The following MAP2K6 variants were observed in gnomAD, a reference collection of about 807,000 sequenced individuals.
MAP2K6 encodes dual specificity mitogen-activated protein kinase kinase 6.
In MAP2K6, 16 loss-of-function variants were observed where a neutral mutation model predicts 53.7. The observed-to-expected ratio is 0.30, with a 90% confidence interval of 0.20 to 0.45. The LOEUF (loss-of-function observed/expected upper bound fraction) is 0.45. Among genes scored for constraint, MAP2K6 ranks in the 20% least tolerant of loss-of-function variants. The probability of loss-of-function intolerance (pLI) is 1.00; values close to 1 mark genes in which losing one functional copy is unlikely to be tolerated. For synonymous variants in MAP2K6, 132 were observed against 143.1 expected (o/e 0.92, Z 0.55); for missense variants, 204 against 411.9 (o/e 0.50, Z 4.37).
At chr17:69,468,161 G>C (rs532239536) in intron 1 of MAP2K6, among the ~76,000 whole-genome samples, 1 of 152,188 alleles carries the variant, frequency 6.6e-6, no homozygotes, top group African/African-American at 2.4e-5. Flanking sequence ...CTGTGATAGT[G>C]TTCTCAGTTG....
intron 2 of MAP2K6, among the ~76,000 whole-genome samples, chr17:69,515,041 T>C (rs1910068848): frequency 6.6e-6 from 1 of 151,948 alleles, no homozygotes; most frequent in African/African-American, 2.4e-5. Flanking sequence ...GAGACATGAG[T>C]CTTTACCTGT....
At chr17:69,422,656 A>G (rs1382091521) in intron 1 of MAP2K6, among the ~76,000 whole-genome samples, 1 of 152,190 alleles carries the variant, frequency 6.6e-6, no homozygotes, top group Non-Finnish European at 1.5e-5. Context: ...ACCCTAAGCC[A>G]GTTACTTTTC....
At chr17:69,505,975 C>G in intron 2 of MAP2K6, 129 bp downstream of exon 2, 1 of 707,502 alleles carries the variant, frequency 1.4e-6, no homozygotes, top group Non-Finnish European at 2.4e-6. Context: ...GCCATTTGCT[C>G]ACTGTTCTGA....
intron 1 of MAP2K6, among the ~76,000 whole-genome samples, chr17:69,436,271 C>G (rs556061419): frequency 6.6e-6 from 1 of 152,074 alleles, no homozygotes; most frequent in Non-Finnish European, 1.5e-5. Flanking sequence ...TACTTCCTTT[C>G]GCTCACTGCT....
rs138138687 is a variant in MAP2K6, at chr17:69,460,362, C to T, written c.16+45362C>T. Among the ~76,000 whole-genome samples, 8 of 152,266 alleles carry T rather than the reference C, an allele frequency of 5.3e-5. No individual in the cohort carries two copies. The East Asian group carries it at 9.7e-4, about 18-fold the overall frequency. On this transcript the variant is annotated intron_variant, in intron 1 of 11. Coordinates refer to ENST00000590474, the MANE Select transcript of MAP2K6 (RefSeq NM_002758.4). ...CCATTAGGAAGACGGAGGTATTTAA[C>T]GCACTGCAGATACATGAGCAAGACC... is the stretch of plus-strand genomic sequence containing the variant.
chr17:69,520,054 C>G (rs1170874852), intron 5 of MAP2K6: 1 of 516,652 alleles, frequency 1.9e-6, no homozygotes, highest in Non-Finnish European at 3.4e-6. Context: ...AGAGCACATG[C>G]AGGTTCTGCT....
intron 11 of MAP2K6, among the ~76,000 whole-genome samples, chr17:69,537,651 T>C (rs1911422185): frequency 6.6e-6 from 1 of 152,206 alleles, no homozygotes; most frequent in Admixed American, 6.5e-5. Context: ...TGCCTAAGCT[T>C]TGATTGAAGA....
At chr17:69,441,811 G>T (rs996562554) in intron 1 of MAP2K6, among the ~76,000 whole-genome samples, 3 of 152,164 alleles carry the variant, frequency 2.0e-5, no homozygotes, top group Non-Finnish European at 4.4e-5. Flanking sequence ...CCAGGTGGGT[G>T]TAGACATCTA....
Position 69,547,124 on chromosome 17 carries a change from T to C in MAP2K6, c.*5371T>C, listed in dbSNP as rs1415185068. On this transcript the variant is annotated 3_prime_UTR_variant, in exon 12 of 12. Coordinates refer to ENST00000590474, the MANE Select transcript of MAP2K6 (RefSeq NM_002758.4). ...TACTATGGATTCTTTTGGGAATTTG[T>C]TGAAAGCTAGGACCTTTTCCCCAGG... The C allele has an allele frequency of 6.6e-6, 1 of 152,112 alleles. No homozygotes were observed. Among genetic ancestry groups the C allele is most frequent in the Non-Finnish European group, 1.5e-5 (1 of 68,002 alleles). 9.4% of individuals were successfully genotyped at this position (152,112 alleles called of 1,614,324 possible).
chr17:69,433,980 C>A (rs1290866225), intron 1 of MAP2K6: 1 of 152,042 alleles, frequency 6.6e-6, no homozygotes, highest in Non-Finnish European at 1.5e-5. Flanking sequence ...GAAGTGCTGC[C>A]GAGAGAGGGT....
chr17:69,426,556 G>A (rs973326159), intron 1 of MAP2K6, among the ~76,000 whole-genome samples: 5 of 152,098 alleles, frequency 3.3e-5, no homozygotes, highest in African/African-American at 1.2e-4. Flanking sequence ...GGTAAGAAAA[G>A]CATAAAAATG....
intron 1 of MAP2K6, among the ~76,000 whole-genome samples, chr17:69,463,104 C>T (rs1410285997): frequency 2.6e-5 from 4 of 151,558 alleles, no homozygotes; most frequent in East Asian, 1.9e-4. Context: ...CACCAGCCAC[C>T]GGGACACCTC....
chr17:69,517,013 A>T, intron 3 of MAP2K6, 110 bp downstream of exon 3: 2 of 865,908 alleles, frequency 2.3e-6, no homozygotes, highest in South Asian at 1.6e-5. Flanking sequence ...AGTCAAAAAA[A>T]GTTTGCATTT....
chr17:69,524,874 T>A, intron 8 of MAP2K6, 27 bp from the exon 9 acceptor site: 1 of 1,566,182 alleles, frequency 6.4e-7, no homozygotes, highest in Non-Finnish European at 8.8e-7. Flanking sequence ...GTCTTCCCAG[T>A]TTCTCAGTTG....
At chr17:69,489,565 C>T (rs1908667593) in intron 1 of MAP2K6, among the ~76,000 whole-genome samples, 1 of 152,170 alleles carries the variant, frequency 6.6e-6, no homozygotes, top group Admixed American at 6.5e-5. Context: ...ATTATTTCTT[C>T]AGGAGTTAAA....
chr17:69,429,173 A>C (rs890587316), intron 1 of MAP2K6, among the ~76,000 whole-genome samples: 2 of 151,820 alleles, frequency 1.3e-5, no homozygotes, highest in Admixed American at 1.3e-4. Flanking sequence ...CTGGTGGCTC[A>C]TGCCTGTAAA....
At chr17:69,532,958 T>C (rs1336017768) in intron 10 of MAP2K6, among the ~76,000 whole-genome samples, 2 of 152,152 alleles carry the variant, frequency 1.3e-5, no homozygotes, top group African/African-American at 4.8e-5. Context: ...TGATACAGTC[T>C]CACCCTGTTG....
At chr17:69,436,351 T>C (rs987665221) in intron 1 of MAP2K6, among the ~76,000 whole-genome samples, 4 of 152,226 alleles carry the variant, frequency 2.6e-5, no homozygotes, top group African/African-American at 7.2e-5. Flanking sequence ...TGTTTTATAA[T>C]AGTGATTGTA....
intron 1 of MAP2K6, among the ~76,000 whole-genome samples, chr17:69,432,923 G>T (rs536528384): frequency 6.5e-4 from 99 of 152,120 alleles, no homozygotes; most frequent in Non-Finnish European, 1.2e-3. Flanking sequence ...TTGTTCTGTT[G>T]CTGATTACTT....
Sources: gnomAD v4.1 joint callset for allele counts (sites outside exome capture counted in the v4.1 genomes callset) on GRCh38, gnomAD v4.1.1 for gene constraint, MANE v1.5 for transcripts, NCBI Gene and HGNC (gene_info 2026-07-23, HGNC 2026-07-21) for gene names.